Variants in PPIE observed in about 807,000 individuals in gnomAD.
The protein encoded by PPIE is peptidyl-prolyl cis-trans isomerase E.
In PPIE, 20 loss-of-function variants were observed where a neutral mutation model predicts 38.4. That is an observed-to-expected ratio of 0.52 (90% CI 0.37 to 0.76). The LOEUF is 0.76. PPIE is among the 30% of genes least tolerant of loss of function. PPIE has a pLI of 0.00. For missense variants in PPIE, 322 were observed against 385.8 expected (o/e 0.83, Z 1.39); for synonymous variants, 142 against 135.7 (o/e 1.05, Z -0.32).
chr1:39,748,008 C>T, intron 7 of PPIE: 1 of 152,098 alleles, frequency 6.6e-6, no homozygotes, highest in East Asian at 1.9e-4. Context: ...ACATGGCTTA[C>T]TGTAGCTTTG....
chr1:39,752,800 A>G (rs1401104530), intron 8 of PPIE, 110 bp from the exon 9 acceptor site: 3 of 1,335,628 alleles, frequency 2.2e-6, no homozygotes, highest in East Asian at 2.3e-5. Flanking sequence ...TGATCTGTGC[A>G]TCCCCGAGTC....
chr1:39,740,452 T>G (rs1284832493), intron 2 of PPIE, among the ~76,000 whole-genome samples, 189 bp downstream of exon 2: 1 of 152,250 alleles, frequency 6.6e-6, no homozygotes, highest in Admixed American at 6.5e-5. Context: ...GGTTGTGAAC[T>G]CTGAATACTT....
intron 8 of PPIE, among the ~76,000 whole-genome samples, chr1:39,751,051 G>A (rs976329574): frequency 6.4e-4 from 97 of 152,334 alleles, no homozygotes; most frequent in African/African-American, 2.2e-3. Context: ...TTATTCAGGC[G>A]TCTGCCCCTG....
In PPIE at chr1:39,739,524, G is replaced by T. The variant is rs149031556; in HGVS notation, c.31+593G>T. 2.0e-5 allele frequency among the ~76,000 whole-genome samples: 3 copies of T among 152,312 alleles called. 1 individual carries two copies. The highest frequency in any genetic ancestry group is 4.4e-5 in the Non-Finnish European group (3 of 68,032). ...CCTCAGTAGCACACTTTTGATAAGC[G>T]CTGTAGTGAGGATGGATCATGATAA... On this transcript the variant is annotated intron_variant, in intron 1 of 9. Transcript: ENST00000324379.
intron 8 of PPIE, among the ~76,000 whole-genome samples, chr1:39,751,190 C>A (rs1266614364): frequency 1.3e-5 from 2 of 152,154 alleles, no homozygotes; most frequent in African/African-American, 4.8e-5. Flanking sequence ...AAAGAATAAT[C>A]TGTTTATTTA....
intron 8 of PPIE, among the ~76,000 whole-genome samples, chr1:39,749,629 T>C (rs1472199070): frequency 6.6e-6 from 1 of 152,060 alleles, no homozygotes; most frequent in Non-Finnish European, 1.5e-5. Flanking sequence ...ACCTCCTGCA[T>C]CTCTCCACTC....
intron 4 of PPIE, 35 bp from the exon 5 acceptor site, chr1:39,743,179 AAG>A (rs746383006): frequency 4.4e-6 from 7 of 1,577,978 alleles, no homozygotes; most frequent in South Asian, 3.3e-5. Context: ...CTTTTAACCT[AAG>A]AGAGTTTAAG....
chr1:39,763,539 C>CAAA, intron 9 of PPIE: 1 of 935,702 alleles, frequency 1.1e-6, no homozygotes, highest in East Asian at 3.3e-5. Flanking sequence ...AAAAACTGAA[C>CAAA]AAAAAAAAAA....
At chr1:39,757,474 C>G (rs1031831108), downstream of PPIE, 6 of 152,282 alleles carry the variant, frequency 3.9e-5, no homozygotes, top group African/African-American at 7.2e-5. Flanking sequence ...CATGTTACTT[C>G]CCTGCCTCAG....
At chr1:39,763,629 T>C in intron 9 of PPIE, 1 of 1,502,584 alleles carries the variant, frequency 6.7e-7, no homozygotes, top group Non-Finnish European at 9.0e-7. Flanking sequence ...GAAGTCACCA[T>C]GATTCTATGT....
chr1:39,742,187 A>ACACAGTGCAAATTGATTG, intron 4 of PPIE: 1 of 438,608 alleles, frequency 2.3e-6, no homozygotes, highest in Non-Finnish European at 4.1e-6. Context: ...TAATTTGCAG[A>ACACAGTGCAAATTGATTG]CACAGTGCAA....
chr1:39,762,289 ACTT>A, intron 9 of PPIE: 1 of 473,338 alleles, frequency 2.1e-6, no homozygotes, highest in Non-Finnish European at 3.7e-6. Flanking sequence ...CTTGTCTTGA[ACTT>A]CTGGGCTCGT....
intron 9 of PPIE, 112 bp downstream of exon 9, chr1:39,753,164 C>T (rs543060640): frequency 3.3e-5 from 52 of 1,585,316 alleles, no homozygotes; most frequent in Non-Finnish European, 3.8e-5. Flanking sequence ...CTGTGTCCAG[C>T]GGGAGGGGCT....
chr1:39,756,540 C>T lies in PPIE; in HGVS notation c.*3185C>T. The T allele has an allele frequency of 3.0e-6, 3 of 985,434 alleles. No homozygotes were observed. The highest frequency in any genetic ancestry group is 3.6e-6 in the Non-Finnish European group (3 of 829,940). The allele number at this position is 985,434 out of a possible 1,614,324, so 61.0% of individuals were successfully genotyped here. On this transcript the variant is annotated 3_prime_UTR_variant, in exon 10 of 10. Coordinates refer to ENST00000324379, the MANE Select transcript of PPIE (RefSeq NM_006112.4). ...CTCCCAGCATCTGTTGCAGTCATGGCAGCCTCACGGCAACCTCTGAAGAAG... is the reference window on the plus strand; with the variant it reads ...CTCCCAGCATCTGTTGCAGTCATGGTAGCCTCACGGCAACCTCTGAAGAAG...
chr1:39,756,989 G>A (rs1374314476), downstream of PPIE, among the ~76,000 whole-genome samples: 1 of 152,190 alleles, frequency 6.6e-6, no homozygotes, highest in African/African-American at 2.4e-5. Flanking sequence ...AAGACACCTG[G>A]TGGGTACAGA....
downstream of PPIE, chr1:39,760,017 CAA>C: frequency 1.2e-5 from 3 of 243,362 alleles, no homozygotes; most frequent in South Asian, 1.2e-4. Context: ...GTGAAGAGCT[CAA>C]GGTGGCCAAC....
chr1:39,739,535 G>A (rs373042939), intron 1 of PPIE, among the ~76,000 whole-genome samples: 17 of 152,324 alleles, frequency 1.1e-4, no homozygotes, highest in East Asian at 7.7e-4. Flanking sequence ...CTGTAGTGAG[G>A]ATGGATCATG....
chr1:39,745,471 C>T lies in PPIE; in HGVS notation c.481C>T (p.Arg161Cys), dbSNP rs759101916. 27 of 1,614,112 alleles carry T rather than the reference C, an allele frequency of 1.7e-5. No individual in the cohort carries two copies. Among genetic ancestry groups the T allele is most frequent in the Non-Finnish European group, 2.2e-5 (26 of 1,180,052 alleles). The change falls in exon 7 of 10, where the codon CGT becomes TGT. Residue 161 changes from arginine to cysteine, a missense_variant. Arg to Cys is a radical substitution (Grantham distance 180). Transcript: ENST00000324379. ...GGCTGGCCGCATCCAGATGCTCCTG[C>T]GTTCTGATGTCGTGCCCATGACAGC... The part of the protein sequence containing the change: ...KPAGRIQMLL[R>C]SDVVPMTAEN...
At position 39,749,015 on chromosome 1, in the gene PPIE, T is replaced by C. The variant is rs1647411311; in HGVS notation, c.621T>C (p.Asn207=). 2 of 1,612,832 alleles carry C rather than the reference T, an allele frequency of 1.2e-6. No individual in the cohort carries two copies. The highest frequency in any genetic ancestry group is 1.7e-6 in the Non-Finnish European group (2 of 1,179,742). ...MCQGGDFTNH[N]GTGGKSIYGK... is the part of the protein sequence containing the mutation. ...AGGGCGGTGATTTCACAAACCACAA[T>C]GGCACTGGGGGCAAGTCCATCTATG... Residue 207 remains asparagine (N), a synonymous_variant, in exon 8 of 10, where the codon AAT becomes AAC. Transcript: ENST00000324379.
Sources: gnomAD v4.1 joint callset for allele counts (sites outside exome capture counted in the v4.1 genomes callset) on GRCh38, gnomAD v4.1.1 for gene constraint, MANE v1.5 for transcripts, NCBI Gene and HGNC (gene_info 2026-07-23, HGNC 2026-07-21) for gene names.